Variants in TNS3 observed in about 807,000 individuals in gnomAD.
TNS3 encodes tensin-3.
A neutral mutation model predicts 140.9 loss-of-function variants in TNS3; 45 were observed. That is an observed-to-expected ratio of 0.32 (90% CI 0.25 to 0.41). TNS3 has a LOEUF of 0.41. Among genes scored for constraint, TNS3 ranks in the 10% least tolerant of loss-of-function variants. The probability of loss-of-function intolerance (pLI) is 1.00; values close to 1 mark genes in which losing one functional copy is unlikely to be tolerated. For missense variants in TNS3, 1,716 were observed against 1,906.7 expected (o/e 0.90, Z 1.86); for synonymous variants, 815 against 788.4 (o/e 1.03, Z -0.56).
intron 18 of TNS3, among the ~76,000 whole-genome samples, 199 bp downstream of exon 18, chr7:47,345,986 CTG>C (rs1333271999): frequency 1.3e-5 from 2 of 152,246 alleles, no homozygotes; most frequent in Non-Finnish European, 2.9e-5. Flanking sequence ...TGACTGCACA[CTG>C]TGCTCTCCCA....
intron 16 of TNS3, among the ~76,000 whole-genome samples, chr7:47,369,869 T>C (rs770607616): frequency 1.3e-5 from 2 of 152,216 alleles, no homozygotes; most frequent in Non-Finnish European, 2.9e-5. Flanking sequence ...GCAAAACAAA[T>C]TGTCATTTTG....
intron 12 of TNS3, among the ~76,000 whole-genome samples, chr7:47,412,665 G>A (rs1248291363): frequency 6.6e-6 from 1 of 152,300 alleles, no homozygotes; most frequent in African/African-American, 2.4e-5. Context: ...ATAGTAGTGA[G>A]ATCCTATCGT....
At chr7:47,511,967 C>T (rs1031403364) in intron 2 of TNS3, among the ~76,000 whole-genome samples, 2 of 152,246 alleles carry the variant, frequency 1.3e-5, no homozygotes, top group Admixed American at 1.3e-4. Context: ...CACGAAGCTC[C>T]ATGTACTTTA....
chr7:47,491,722 G>C (rs1348403334), intron 3 of TNS3, among the ~76,000 whole-genome samples: 1 of 152,150 alleles, frequency 6.6e-6, no homozygotes, highest in Admixed American at 6.6e-5. Context: ...CTTAACCAGG[G>C]GCAAAACAGA....
At position 47,293,713 on chromosome 7, in the gene TNS3, C is replaced by A; in HGVS notation, c.3772+20G>T. 1 of 1,610,100 alleles carries A rather than the reference C, an allele frequency of 6.2e-7. No individual in the cohort carries two copies. Among genetic ancestry groups the A allele is most frequent in the Non-Finnish European group, 8.5e-7 (1 of 1,176,352 alleles). On this transcript the variant is annotated intron_variant, in intron 25 of 30. Coordinates refer to ENST00000311160, the MANE Select transcript of TNS3 (RefSeq NM_022748.12). The stretch of plus-strand genomic sequence containing the variant: ...CCTCATGAGTTCAGAACATTGACAG[C>A]AACCTCTCAAGCAACTCACCGAAAT...
intron 30 of TNS3, chr7:47,278,899 A>G (rs1784996112): frequency 6.6e-6 from 1 of 152,226 alleles, no homozygotes; most frequent in Admixed American, 6.5e-5. Context: ...GTCCTGGGCA[A>G]AGGACTTTCT....
chr7:47,485,346 A>G, intron 3 of TNS3, among the ~76,000 whole-genome samples: 1 of 152,216 alleles, frequency 6.6e-6, no homozygotes, highest in East Asian at 1.9e-4. Flanking sequence ...AGCCCTCACA[A>G]TAAGGCCAGC....
intron 2 of TNS3, among the ~76,000 whole-genome samples, chr7:47,524,291 T>C (rs1206881932): frequency 1.3e-5 from 2 of 152,142 alleles, no homozygotes; most frequent in Non-Finnish European, 2.9e-5. Context: ...GTTGAGAAAA[T>C]GGGCTTCATA....
At position 47,287,105 on chromosome 7, in the gene TNS3, TAA is replaced by T. The variant is rs35058593; in HGVS notation, c.3929-3242_3929-3241del. The stretch of plus-strand genomic sequence containing the variant: ...AACTTAAAGAACATATAAGACTCTA[TAA>T]AAAAAAAAAAGTATACCTACCATAT... On this transcript the variant is annotated intron_variant, in intron 27 of 30. Transcript: ENST00000311160. 6.5e-4 allele frequency among the ~76,000 whole-genome samples: 94 copies of T among 145,694 alleles called. No homozygotes were observed. The South Asian group carries it at 7.2e-3, about 11-fold the overall frequency.
At chr7:47,373,259 C>T (rs10279935) in intron 16 of TNS3, among the ~76,000 whole-genome samples, 76,824 of 152,118 alleles carry the variant, frequency 0.51, 21,546 homozygotes, top group Non-Finnish European at 0.65. Flanking sequence ...CTGGTCATGA[C>T]ATTCAGGCTG....
chr7:47,562,317 A>C (rs1800332903), intron 1 of TNS3, among the ~76,000 whole-genome samples: 1 of 151,888 alleles, frequency 6.6e-6, no homozygotes, highest in African/African-American at 2.4e-5. Context: ...AAAGAGATGG[A>C]ATTAGATTTA....
At chr7:47,298,116 TGATA>T (rs1270120853) in intron 23 of TNS3, among the ~76,000 whole-genome samples, 1 of 152,200 alleles carries the variant, frequency 6.6e-6, no homozygotes, top group Non-Finnish European at 1.5e-5. Context: ...CATTTTCTGA[TGATA>T]GAAAGGGCAT....
chr7:47,322,620 T>A (rs1787811155), intron 20 of TNS3, among the ~76,000 whole-genome samples: 1 of 151,928 alleles, frequency 6.6e-6, no homozygotes, highest in Non-Finnish European at 1.5e-5. Context: ...AATGTTATGA[T>A]TAGAAAAAGA....
At chr7:47,572,435 T>G (rs1800578746) in intron 1 of TNS3, among the ~76,000 whole-genome samples, 1 of 152,056 alleles carries the variant, frequency 6.6e-6, no homozygotes, top group South Asian at 2.1e-4. Context: ...GTGAGAAGAG[T>G]GAGCCTTTAA....
intron 16 of TNS3, among the ~76,000 whole-genome samples, chr7:47,384,307 CCTGCACTCCACTTCAGAACA>C (rs1459116827): frequency 6.6e-6 from 1 of 152,110 alleles, no homozygotes; most frequent in Non-Finnish European, 1.5e-5. Context: ...GCCTGTGCCT[CCTGCACTCCACTTCAGAACA>C]CTTTCACCCA....
chr7:47,386,441 G>A (rs981564425), intron 16 of TNS3, among the ~76,000 whole-genome samples: 1 of 152,238 alleles, frequency 6.6e-6, no homozygotes, highest in Non-Finnish European at 1.5e-5. Flanking sequence ...CAGCTCCAGA[G>A]CAACTGTCAC....
intron 9 of TNS3, among the ~76,000 whole-genome samples, chr7:47,425,553 G>A (rs1293853627): frequency 6.6e-6 from 1 of 152,158 alleles, no homozygotes; most frequent in African/African-American, 2.4e-5. Context: ...TAGGCAAGGG[G>A]CTGTGCTGGT....
intron 14 of TNS3, 117 bp from the exon 15 acceptor site, chr7:47,400,575 C>T: frequency 7.9e-7 from 1 of 1,263,620 alleles, no homozygotes; most frequent in Admixed American, 1.9e-5. Flanking sequence ...GCAATAAAGA[C>T]ACCCCATGAT....
At position 47,275,767 on chromosome 7, in the gene TNS3, G is replaced by A. The variant is rs977041607; in HGVS notation, c.*2309C>T. ...CAAATTCCCCGATGCCCTTGACCAC[G>A]TTTACCTTGTGTAAAAATCACACCT... On this transcript the variant is annotated 3_prime_UTR_variant, in exon 31 of 31. Coordinates refer to ENST00000311160, the MANE Select transcript of TNS3 (RefSeq NM_022748.12). 3.3e-5 allele frequency: 15 copies of A among 454,948 alleles called. No homozygotes were observed. The highest frequency in any genetic ancestry group is 5.7e-5 in the Non-Finnish European group (13 of 226,788). 28.2% of individuals were successfully genotyped at this position (454,948 alleles called of 1,614,324 possible).
Sources: gnomAD v4.1 joint callset for allele counts (sites outside exome capture counted in the v4.1 genomes callset) on GRCh38, gnomAD v4.1.1 for gene constraint, MANE v1.5 for transcripts, NCBI Gene and HGNC (gene_info 2026-07-23, HGNC 2026-07-21) for gene names.